The following CMC1 variants were observed in gnomAD, a reference collection of about 807,000 sequenced individuals.
CMC1 encodes the protein C-X9-C motif containing 1.
A neutral mutation model predicts 14.1 loss-of-function variants in CMC1; 14 were observed. The observed-to-expected ratio is 0.99, with a 90% CI of 0.66 to 1.55. The LOEUF is 1.55. Ranked by LOEUF, CMC1 falls within the 40% of genes most tolerant of loss-of-function variation. The pLI, the probability that CMC1 is intolerant of heterozygous loss-of-function variation, is 0.00. For synonymous variants in CMC1, 50 were observed against 38.4 expected (o/e 1.30, Z -1.12); for missense variants, 127 against 123.8 (o/e 1.03, Z -0.12).
intron 1 of CMC1, among the ~76,000 whole-genome samples, chr3:28,251,399 T>C (rs1252843931): frequency 6.6e-6 from 1 of 152,178 alleles, no homozygotes; most frequent in Non-Finnish European, 1.5e-5. Flanking sequence ...GGCACAAAGC[T>C]GTTCATGAGA....
intron 2 of CMC1, among the ~76,000 whole-genome samples, chr3:28,292,182 C>T (rs985644389): frequency 6.6e-6 from 1 of 151,912 alleles, no homozygotes; most frequent in Non-Finnish European, 1.5e-5. Flanking sequence ...TTCCTTTTTT[C>T]CTACTTTTTG....
chr3:28,307,469 A>G (rs1446472734), intron 2 of CMC1, among the ~76,000 whole-genome samples: 2 of 152,136 alleles, frequency 1.3e-5, no homozygotes, highest in East Asian at 3.9e-4. Context: ...TCAAGGCTAC[A>G]GAGAGCTATG....
chr3:28,256,475 A>T (rs1478727626), intron 1 of CMC1, among the ~76,000 whole-genome samples: 1 of 152,134 alleles, frequency 6.6e-6, no homozygotes, highest in East Asian at 1.9e-4. Context: ...AAATACCTTC[A>T]CAGCATCACC....
chr3:28,282,946 A>T (rs1276094380), intron 2 of CMC1, among the ~76,000 whole-genome samples: 1 of 152,188 alleles, frequency 6.6e-6, no homozygotes, highest in Non-Finnish European at 1.5e-5. Context: ...ACTTACTAGG[A>T]CATATCTTTC....
At chr3:28,310,797 C>G (rs182625358) in intron 2 of CMC1, among the ~76,000 whole-genome samples, 54 of 152,314 alleles carry the variant, frequency 3.5e-4, no homozygotes, top group African/African-American at 1.3e-3. Flanking sequence ...GTGGAAGACA[C>G]TTTTCCAGTG....
chr3:28,248,350 A>G (rs1047717227), intron 1 of CMC1, among the ~76,000 whole-genome samples: 6 of 152,226 alleles, frequency 3.9e-5, no homozygotes, highest in East Asian at 1.9e-4. Context: ...GAGGTAGTGT[A>G]CTGTTGTGGA....
intron 2 of CMC1, among the ~76,000 whole-genome samples, chr3:28,273,175 A>G (rs1445206443): frequency 6.6e-6 from 1 of 152,120 alleles, no homozygotes; most frequent in Non-Finnish European, 1.5e-5. Flanking sequence ...TTAGTATGCT[A>G]TTTATCACTG....
chr3:28,272,832 C>T (rs547487631), intron 2 of CMC1, among the ~76,000 whole-genome samples: 2 of 151,912 alleles, frequency 1.3e-5, no homozygotes, highest in African/African-American at 4.8e-5. Context: ...TTACAGGTGC[C>T]CACCACCACG....
intron 1 of CMC1, among the ~76,000 whole-genome samples, chr3:28,260,915 G>C (rs776629965): frequency 6.6e-6 from 1 of 152,072 alleles, no homozygotes; most frequent in African/African-American, 2.4e-5. Flanking sequence ...ATCTGTTATT[G>C]GTTGCTAATT....
intron 2 of CMC1, among the ~76,000 whole-genome samples, chr3:28,265,611 G>C (rs1185577344): frequency 6.6e-6 from 1 of 151,786 alleles, no homozygotes; most frequent in South Asian, 2.1e-4. Context: ...AAGCTTTTCC[G>C]TTAGATTTTT....
At chr3:28,285,809 C>T (rs999818428) in intron 2 of CMC1, among the ~76,000 whole-genome samples, 1 of 151,054 alleles carries the variant, frequency 6.6e-6, no homozygotes, top group Non-Finnish European at 1.5e-5. Context: ...CTCTGTCGCC[C>T]AGGCTGGAGT....
intron 2 of CMC1, among the ~76,000 whole-genome samples, chr3:28,273,193 T>C (rs1053073933): frequency 1.3e-5 from 2 of 152,178 alleles, no homozygotes; most frequent in African/African-American, 4.8e-5. Flanking sequence ...CTGCCTCAAT[T>C]TCAGAACTTG....
chr3:28,316,313 TCC>T lies in CMC1; in HGVS notation c.110-19_110-18del. ...ATAGATATAATTACAAGTAATTTTT[TCC>T]TTCCAAATTTATTTCAGATTTTACC... is the stretch of plus-strand genomic sequence containing the variant. On this transcript the variant is annotated intron_variant, in intron 2 of 3. Transcript: ENST00000466830. The T allele has an allele frequency of 7.3e-7, 1 of 1,370,438 alleles. No homozygotes were observed. 84.9% of individuals were successfully genotyped at this position (1,370,438 alleles called of 1,614,324 possible). A position where few individuals can be genotyped will look rare whatever the true frequency, so the allele number is the denominator to read the frequency against.
rs375459126 is a variant in CMC1 at position 28,324,452 on chromosome 3, A to G, written c.*4823A>G. 1.4e-6 allele frequency: 2 copies of G among 1,462,726 alleles called. No homozygotes were observed. The highest frequency in any genetic ancestry group is 1.8e-6 in the Non-Finnish European group (2 of 1,101,714). 90.6% of individuals were successfully genotyped at this position (1,462,726 alleles called of 1,614,324 possible). A position where few individuals can be genotyped will look rare whatever the true frequency, so the allele number is the denominator to read the frequency against. ...TCTTCACTGCATCCTACAGGGGCACAGGCTAAAAAGAAAACACAGACTAAA... is the reference window on the plus strand; with the variant it reads ...TCTTCACTGCATCCTACAGGGGCACGGGCTAAAAAGAAAACACAGACTAAA... On this transcript the variant is annotated 3_prime_UTR_variant, in exon 4 of 4. Transcript: ENST00000466830.
At chr3:28,315,560 C>T (rs1354868894) in intron 2 of CMC1, among the ~76,000 whole-genome samples, 3 of 152,130 alleles carry the variant, frequency 2.0e-5, no homozygotes, top group African/African-American at 7.2e-5. Context: ...CATGCAGAGA[C>T]TAGACAACAG....
rs1703162252 is a variant in CMC1 at position 28,320,781 on chromosome 3, T to G, written c.*1152T>G. 6.6e-6 allele frequency: 1 copy of G among 151,306 alleles called. No homozygotes were observed. The highest frequency in any genetic ancestry group is 2.4e-5 in the African/African-American group (1 of 41,350). 9.4% of individuals were successfully genotyped at this position (151,306 alleles called of 1,614,324 possible). A position where few individuals can be genotyped will look rare whatever the true frequency, so the allele number is the denominator to read the frequency against. On this transcript the variant is annotated 3_prime_UTR_variant, in exon 4 of 4. Transcript: ENST00000466830. ...GGACTCAGGAAGTAGTATAAAAAATTTATGTCCCAATTTAATAATTTGAGC... is the reference window on the plus strand; with the variant it reads ...GGACTCAGGAAGTAGTATAAAAAATGTATGTCCCAATTTAATAATTTGAGC...
chr3:28,278,096 C>T (rs990483191), intron 2 of CMC1, among the ~76,000 whole-genome samples: 11 of 100,444 alleles, frequency 1.1e-4, no homozygotes, highest in Non-Finnish European at 2.0e-4. Flanking sequence ...GATACTCCAA[C>T]TGACAGATGA....
At chr3:28,271,785 G>A (rs1175789818) in intron 2 of CMC1, among the ~76,000 whole-genome samples, 1 of 152,158 alleles carries the variant, frequency 6.6e-6, no homozygotes, top group African/African-American at 2.4e-5. Context: ...TAGTGTAATG[G>A]GAATAGCATT....
In CMC1 at chr3:28,293,307, C is replaced by CT. The variant is rs368066751; in HGVS notation, c.110-23012dup. On this transcript the variant is annotated intron_variant, in intron 2 of 3. Coordinates refer to ENST00000466830, the MANE Select transcript of CMC1 (RefSeq NM_182523.2). ...TTTGATTAAGCTACAAATAGAGGGA[C>CT]TTTTTTTTTTTTTTCGAGTGGCTGG... 2.9e-3 allele frequency among the ~76,000 whole-genome samples: 405 copies of CT among 139,886 alleles called. 1 individual carries two copies. The highest frequency in any genetic ancestry group is 7.4e-3 in the African/African-American group (282 of 38,162). The allele number at this position is 139,886 out of a possible 152,430, so 91.8% of individuals were successfully genotyped here. A position where few individuals can be genotyped will look rare whatever the true frequency, so the allele number is the denominator to read the frequency against.
Sources: gnomAD v4.1 joint callset for allele counts (sites outside exome capture counted in the v4.1 genomes callset) on GRCh38, gnomAD v4.1.1 for gene constraint, MANE v1.5 for transcripts, NCBI Gene and HGNC (gene_info 2026-07-23, HGNC 2026-07-21) for gene names.